The following ARID1B variants were observed in gnomAD, a reference collection of about 807,000 sequenced individuals.
ARID1B encodes AT-rich interaction domain 1B, also known as AT-rich interactive domain-containing protein 1B.
In ARID1B, 30 loss-of-function variants were observed where a neutral mutation model predicts 212.3. The ratio of observed to expected loss-of-function variants is 0.14; its 90% CI spans 0.11 to 0.19. The LOEUF is 0.19. ARID1B is among the 10% of genes least tolerant of loss of function. The pLI is 1.00. For missense variants in ARID1B, 2,891 were observed against 3,204.0 expected, an observed-to-expected ratio of 0.90 and a Z score of 2.36; for synonymous variants, 1,402 against 1,301.7, an observed-to-expected ratio of 1.08 and a Z score of -1.66.
intron 4 of ARID1B, among the ~76,000 whole-genome samples, chr6:156,972,118 G>A (rs73576102): frequency 0.037 from 5,615 of 152,204 alleles, 338 homozygotes; most frequent in African/African-American, 0.13. Context: ...AATACATAAA[G>A]GTTAAAATAG....
chr6:157,168,023 T>C (rs923307673), intron 9 of ARID1B: 1 of 152,256 alleles, frequency 6.6e-6, no homozygotes, highest in Admixed American at 6.5e-5. Flanking sequence ...GCTTAGCCAG[T>C]GTGTATCCCG....
intron 2 of ARID1B, among the ~76,000 whole-genome samples, chr6:156,830,996 A>G (rs1406996010): frequency 1.3e-5 from 2 of 152,206 alleles, no homozygotes. Flanking sequence ...AGTCAGTTGC[A>G]TACTTAATTG....
intron 4 of ARID1B, chr6:156,942,392 C>T (rs1003158086): frequency 2.6e-5 from 4 of 152,192 alleles, no homozygotes; most frequent in African/African-American, 9.7e-5. Flanking sequence ...GCAGCTCTTC[C>T]AGTGACCTCT....
chr6:157,128,164 T>G (rs1188954564), intron 6 of ARID1B, among the ~76,000 whole-genome samples: 3 of 152,216 alleles, frequency 2.0e-5, no homozygotes, highest in Non-Finnish European at 4.4e-5. Flanking sequence ...AGCTAACTTC[T>G]GTCTTCTAAT....
chr6:157,028,389 G>A (rs992097133), intron 4 of ARID1B, among the ~76,000 whole-genome samples: 2 of 152,120 alleles, frequency 1.3e-5, no homozygotes, highest in Non-Finnish European at 2.9e-5. Context: ...AAATAATAAT[G>A]TAATGAATAA....
intron 3 of ARID1B, among the ~76,000 whole-genome samples, chr6:156,904,743 G>T (rs1401614616): frequency 6.6e-6 from 1 of 152,206 alleles, no homozygotes; most frequent in Non-Finnish European, 1.5e-5. Context: ...GACACCACAA[G>T]TGGAAAATTC....
At position 157,203,317 on chromosome 6, in the gene ARID1B, T is replaced by G. The variant is rs912903656; in HGVS notation, c.5264-549T>G. Among the ~76,000 whole-genome samples the G allele has an allele frequency of 6.6e-6, 1 of 152,232 alleles. No individual in the cohort carries two copies. The highest frequency in any genetic ancestry group is 2.4e-5 in the African/African-American group (1 of 41,452). ...TCTGAGCCATCAAAGTGCTAATATTTATCACAGCATGTTCTGAGGGCAGGA... is the reference window on the plus strand; with the variant it reads ...TCTGAGCCATCAAAGTGCTAATATTGATCACAGCATGTTCTGAGGGCAGGA... On this transcript the variant is annotated intron_variant, in intron 18 of 19. Coordinates refer to ENST00000636930, the MANE Select transcript of ARID1B (RefSeq NM_001374828.1). The surrounding 1 kb of genome is among the most constrained non-coding windows in gnomAD (Gnocchi z 4.4).
At position 156,859,178 on chromosome 6, in the gene ARID1B, A is replaced by T. The variant is rs183794041; in HGVS notation, c.1986+29757A>T. Among the ~76,000 whole-genome samples the T allele has an allele frequency of 2.0e-5, 3 of 152,146 alleles. No homozygotes were observed. In the East Asian group the frequency reaches 5.8e-4, roughly 29 times the overall value. On this transcript the variant is annotated intron_variant, in intron 2 of 19. Coordinates refer to ENST00000636930, the MANE Select transcript of ARID1B (RefSeq NM_001374828.1). Reference sequence around the variant, plus strand: ...CCCAGGCTGGAGTGCAGTGGCCGCAATTTCAGCTCACTGCAACCTCCGCCT... The same window carrying T: ...CCCAGGCTGGAGTGCAGTGGCCGCATTTTCAGCTCACTGCAACCTCCGCCT...
intron 4 of ARID1B, among the ~76,000 whole-genome samples, chr6:156,969,344 C>T (rs958236067): frequency 2.6e-5 from 4 of 152,132 alleles, no homozygotes; most frequent in South Asian, 4.1e-4. Context: ...CCCCTTTCAG[C>T]CCCAGGATCG....
intron 7 of ARID1B, among the ~76,000 whole-genome samples, chr6:157,134,106 G>A (rs981435187): frequency 2.6e-5 from 4 of 152,164 alleles, no homozygotes; most frequent in Non-Finnish European, 4.4e-5. Context: ...GATGATGAGT[G>A]CCACTGGGAA....
intron 8 of ARID1B, among the ~76,000 whole-genome samples, chr6:157,156,355 CTTTAA>C (rs1310143273): frequency 7.9e-5 from 12 of 152,158 alleles, no homozygotes; most frequent in African/African-American, 2.9e-4. Context: ...AAATACTACG[CTTTAA>C]TTTTTAGCCC....
chr6:156,851,602 G>A (rs1784584144), intron 2 of ARID1B, among the ~76,000 whole-genome samples: 1 of 152,194 alleles, frequency 6.6e-6, no homozygotes. Context: ...TAGCTGTAGG[G>A]TGTCAGGAGT....
At chr6:156,814,587 G>A (rs1781831948) in intron 1 of ARID1B, among the ~76,000 whole-genome samples, 1 of 152,172 alleles carries the variant, frequency 6.6e-6, no homozygotes, top group African/African-American at 2.4e-5. Context: ...TTGGCTTGGC[G>A]TGGTCAATCC....
chr6:156,801,836 TTCTG>T (rs763519100), intron 1 of ARID1B, among the ~76,000 whole-genome samples: 4 of 152,222 alleles, frequency 2.6e-5, no homozygotes, highest in African/African-American at 9.6e-5. Flanking sequence ...AGTCCTTGAT[TTCTG>T]TCTGTGTTGC....
chr6:156,959,498 G>T (rs574718474), intron 4 of ARID1B, among the ~76,000 whole-genome samples: 2 of 152,086 alleles, frequency 1.3e-5, no homozygotes, highest in Non-Finnish European at 2.9e-5. Context: ...AGGACCAACC[G>T]TACTCATTCT....
intron 2 of ARID1B, among the ~76,000 whole-genome samples, chr6:156,830,809 G>C (rs1260032143): frequency 6.6e-6 from 1 of 151,996 alleles, no homozygotes. Flanking sequence ...GAAATAAAAT[G>C]TTGTCTTTCC....
intron 4 of ARID1B, among the ~76,000 whole-genome samples, chr6:156,944,745 T>C (rs1792937976): frequency 6.6e-6 from 1 of 152,190 alleles, no homozygotes; most frequent in Non-Finnish European, 1.5e-5. Context: ...TTTGTTATAC[T>C]AAAAAGTCAT....
At chr6:157,039,053 A>G (rs541175801) in intron 4 of ARID1B, among the ~76,000 whole-genome samples, 10 of 151,992 alleles carry the variant, frequency 6.6e-5, no homozygotes, top group African/African-American at 2.4e-4. Flanking sequence ...AATTTTTTAT[A>G]AAAATGCAGG....
At chr6:156,897,202 TGCTGCTGCTGCTG>T (rs1788486379) in intron 2 of ARID1B, among the ~76,000 whole-genome samples, 1 of 74,722 alleles carries the variant, frequency 1.3e-5, no homozygotes, top group African/African-American at 5.1e-5. Context: ...CTGCTGCTGC[TGCTGCTGCTGCTG>T]CTGCTTCTTC....
Sources: gnomAD v4.1 joint callset for allele counts (sites outside exome capture counted in the v4.1 genomes callset) on GRCh38, gnomAD v4.1.1 for gene constraint, Gnocchi (gnomAD v3.1) non-coding constraint, MANE v1.5 for transcripts, NCBI Gene and HGNC (gene_info 2026-07-23, HGNC 2026-07-21) for gene names.